FRMD4B: variants seen among roughly 807,000 people sequenced by gnomAD.
FRMD4B encodes the protein FERM domain-containing protein 4B.
In FRMD4B, 74 loss-of-function variants were observed where a neutral mutation model predicts 141.5. The observed-to-expected ratio is 0.52, with a 90% confidence interval of 0.43 to 0.63. The LOEUF (loss-of-function observed/expected upper bound fraction) is 0.63. Among genes scored for constraint, FRMD4B ranks in the 30% least tolerant of loss-of-function variants. The probability of loss-of-function intolerance (pLI) is 0.00; values close to 1 mark genes in which losing one functional copy is unlikely to be tolerated. For missense variants in FRMD4B, 1,366 were observed against 1,253.4 expected (o/e 1.09, Z -1.36); for synonymous variants, 506 against 467.9 (o/e 1.08, Z -1.05).
rs148268364 is a variant in FRMD4B at position 69,199,086 on chromosome 3, C to T, written c.877-312G>A. On this transcript the variant is annotated intron_variant, in intron 11 of 22. Transcript: ENST00000398540. ...GAGATCGAGACCATCCTCGCTAACA[C>T]GGTGAAACCTTGTCTCTACTAAAAA... The T allele has an allele frequency of 2.4e-3, 578 of 236,726 alleles. 5 individuals carry two copies. Among genetic ancestry groups the T allele is most frequent in the Admixed American group, 0.02 (385 of 18,858 alleles). The allele number at this position is 236,726 out of a possible 1,614,324, so 14.7% of individuals were successfully genotyped here.
intron 7 of FRMD4B, among the ~76,000 whole-genome samples, chr3:69,241,503 C>A (rs1162596538): frequency 6.6e-6 from 1 of 152,164 alleles, no homozygotes; most frequent in Non-Finnish European, 1.5e-5. Context: ...AAAGGCCCGA[C>A]CTGAAATAAG....
chr3:69,511,651 A>T (rs574187112), intron 1 of FRMD4B, among the ~76,000 whole-genome samples: 1 of 152,304 alleles, frequency 6.6e-6, no homozygotes, highest in South Asian at 2.1e-4. Flanking sequence ...TCTAACGTGC[A>T]TCTTGGGCTA....
At chr3:69,482,288 T>C (rs1265067980) in intron 1 of FRMD4B, among the ~76,000 whole-genome samples, 1 of 152,154 alleles carries the variant, frequency 6.6e-6, no homozygotes, top group East Asian at 1.9e-4. Flanking sequence ...CAGGCATTGT[T>C]GCTGAGAGCT....
At chr3:69,230,976 A>G (rs1559737264) in intron 7 of FRMD4B, among the ~76,000 whole-genome samples, 1 of 152,206 alleles carries the variant, frequency 6.6e-6, no homozygotes, top group Non-Finnish European at 1.5e-5. Flanking sequence ...GGTCCAAAAC[A>G]AACAAAATGA....
At chr3:69,173,420 AC>A (rs1559680528) in intron 22 of FRMD4B, among the ~76,000 whole-genome samples, 1 of 152,230 alleles carries the variant, frequency 6.6e-6, no homozygotes, top group Non-Finnish European at 1.5e-5. Context: ...ATTTAAAAAA[AC>A]AACAAAACAC....
At chr3:69,445,685 T>C (rs1485434493) in intron 1 of FRMD4B, among the ~76,000 whole-genome samples, 4 of 152,208 alleles carry the variant, frequency 2.6e-5, no homozygotes. Context: ...TGCAGGGACT[T>C]GGCACTTGCT....
At chr3:69,277,120 AT>A (rs2093621475) in intron 5 of FRMD4B, among the ~76,000 whole-genome samples, 1 of 152,136 alleles carries the variant, frequency 6.6e-6, no homozygotes, top group African/African-American at 2.4e-5. Flanking sequence ...CAATAACCCT[AT>A]TTTTTAATAG....
At chr3:69,340,167 T>TC (rs905079442) in intron 1 of FRMD4B, among the ~76,000 whole-genome samples, 7 of 152,012 alleles carry the variant, frequency 4.6e-5, no homozygotes, top group East Asian at 1.9e-4. Context: ...TCTTTTCTTT[T>TC]TTTTTAAACT....
chr3:69,542,420 C>G (rs1010702577), exon 1 of FRMD4B: 2 of 152,538 alleles, frequency 1.3e-5, no homozygotes, highest in Non-Finnish European at 1.5e-5. Context: ...CAGCCCGACT[C>G]CCGGGCTCTC....
intron 12 of FRMD4B, chr3:69,198,369 A>T: frequency 4.2e-6 from 1 of 236,238 alleles, no homozygotes; most frequent in Non-Finnish European, 8.2e-6. Flanking sequence ...AATCAAAACC[A>T]CAAGAAGGTA....
chr3:69,242,819 C>T (rs2093396113), intron 7 of FRMD4B, among the ~76,000 whole-genome samples: 1 of 151,476 alleles, frequency 6.6e-6, no homozygotes, highest in South Asian at 2.1e-4. Context: ...ATGGTGAAAC[C>T]CCGTCTCTAC....
At chr3:69,407,677 C>T (rs1307734122) in intron 2 of FRMD4B, among the ~76,000 whole-genome samples, 1 of 152,162 alleles carries the variant, frequency 6.6e-6, no homozygotes, top group Non-Finnish European at 1.5e-5. Flanking sequence ...ATGCCAAGTC[C>T]AGTTGATTGG....
chr3:69,325,085 A>AAGAAAGAAAGGAAGAAAG (rs1553724229), intron 1 of FRMD4B, among the ~76,000 whole-genome samples: 16 of 79,996 alleles, frequency 2.0e-4, no homozygotes, highest in African/African-American at 7.5e-4. Context: ...TAAAAAAAAA[A>AAGAAAGAAAGGAAGAAAG]AAAGAAAGAA....
intron 1 of FRMD4B, among the ~76,000 whole-genome samples, chr3:69,332,837 C>A (rs1702415928): frequency 6.8e-6 from 1 of 146,400 alleles, no homozygotes; most frequent in African/African-American, 2.6e-5. Flanking sequence ...ATCCTCCCGC[C>A]TTAAGCGCTG....
intron 1 of FRMD4B, among the ~76,000 whole-genome samples, chr3:69,321,533 A>G (rs377315784): frequency 6.6e-6 from 1 of 152,142 alleles, no homozygotes; most frequent in African/African-American, 2.4e-5. Flanking sequence ...CATAATTCCA[A>G]TTGAGCCCTA....
intron 1 of FRMD4B, among the ~76,000 whole-genome samples, chr3:69,444,859 A>G (rs1262448473): frequency 6.6e-6 from 1 of 152,206 alleles, no homozygotes; most frequent in Non-Finnish European, 1.5e-5. Context: ...CTGGCTCTGT[A>G]ATGCTAAACT....
chr3:69,211,066 T>G (rs182549122), intron 11 of FRMD4B, among the ~76,000 whole-genome samples: 39 of 148,266 alleles, frequency 2.6e-4, no homozygotes, highest in Non-Finnish European at 4.9e-4. Flanking sequence ...AGTGGATTCT[T>G]AGTACACTAA....
chr3:69,479,402 G>T (rs2106976130), intron 1 of FRMD4B, among the ~76,000 whole-genome samples: 1 of 152,114 alleles, frequency 6.6e-6, no homozygotes, highest in South Asian at 2.1e-4. Flanking sequence ...GGCAGGCCTG[G>T]TGGTGACAAA....
chr3:69,246,209 G>A (rs965122532), intron 7 of FRMD4B, among the ~76,000 whole-genome samples: 1 of 152,094 alleles, frequency 6.6e-6, no homozygotes, highest in Non-Finnish European at 1.5e-5. Flanking sequence ...TAATCTCGGC[G>A]CTTTGGGAGG....
Sources: gnomAD v4.1 joint callset for allele counts (sites outside exome capture counted in the v4.1 genomes callset) on GRCh38, gnomAD v4.1.1 for gene constraint, MANE v1.5 for transcripts, NCBI Gene and HGNC (gene_info 2026-07-23, HGNC 2026-07-21) for gene names.